ARHGAP17: variants seen among roughly 807,000 people sequenced by gnomAD.
The protein encoded by ARHGAP17 is Rho GTPase activating protein 17.
Under a neutral mutation model 99.5 loss-of-function variants are expected in ARHGAP17, and 57 were observed. The observed-to-expected ratio is 0.57, with a 90% CI of 0.46 to 0.71. The LOEUF (loss-of-function observed/expected upper bound fraction) is 0.71. ARHGAP17 is among the 30% of genes least tolerant of loss of function. The probability of loss-of-function intolerance (pLI) is 0.00; values close to 1 mark genes in which losing one functional copy is unlikely to be tolerated. For synonymous variants in ARHGAP17, 417 were observed against 429.6 expected (o/e 0.97, Z 0.36); for missense variants, 1,000 against 1,122.4 (o/e 0.89, Z 1.56).
At chr16:24,924,400 A>T (rs1262634831) in intron 19 of ARHGAP17, among the ~76,000 whole-genome samples, 1 of 151,604 alleles carries the variant, frequency 6.6e-6, no homozygotes, top group Non-Finnish European at 1.5e-5. Flanking sequence ...AAAAGCAAAA[A>T]ATCAGACAAA....
chr16:24,995,110 T>C (rs2053156429), intron 1 of ARHGAP17, among the ~76,000 whole-genome samples: 1 of 152,152 alleles, frequency 6.6e-6, no homozygotes, highest in South Asian at 2.1e-4. Flanking sequence ...ACTCACTCAG[T>C]ATTACTAGAA....
intron 13 of ARHGAP17, 31 bp downstream of exon 13, chr16:24,949,373 T>C (rs1290599902): frequency 1.3e-6 from 2 of 1,580,110 alleles, no homozygotes; most frequent in Non-Finnish European, 1.7e-6. Context: ...TTATCTTCAC[T>C]CCAGAGTCAT....
At chr16:24,952,452 T>G (rs2051672647) in intron 11 of ARHGAP17, 82 bp from the exon 12 acceptor site, 1 of 1,086,014 alleles carries the variant, frequency 9.2e-7, no homozygotes, top group South Asian at 1.4e-5. Context: ...CAAATTGAAA[T>G]GATCTCAATA....
intron 6 of ARHGAP17, among the ~76,000 whole-genome samples, chr16:24,965,676 C>A (rs1277007967): frequency 6.6e-6 from 1 of 152,198 alleles, no homozygotes; most frequent in Admixed American, 6.5e-5. Flanking sequence ...CAGAGTCTGA[C>A]ATGTTCAAGT....
At position 24,947,614 on chromosome 16, in the gene ARHGAP17, G is replaced by A; in HGVS notation, c.1128-19C>T. On this transcript the variant is annotated intron_variant, in intron 13 of 19. Coordinates refer to ENST00000289968, the MANE Select transcript of ARHGAP17 (RefSeq NM_001006634.3). ...CAAATATCTAGGGGTCAAAAGAGAA[G>A]GGGAGGGTTTCTCCTCTGAAATAGC... 1.3e-6 allele frequency: 2 copies of A among 1,592,270 alleles called. No individual in the cohort carries two copies. Among genetic ancestry groups the A allele is most frequent in the South Asian group, 1.1e-5 (1 of 90,786 alleles).
rs193280378 is a variant in ARHGAP17, at chr16:24,972,425, C to T, written c.199-1845G>A. 7.1e-4 allele frequency among the ~76,000 whole-genome samples: 108 copies of T among 152,236 alleles called. 1 individual carries two copies. In the East Asian group the frequency reaches 0.02, roughly 29 times the overall value. The stretch of plus-strand genomic sequence containing the variant: ...GTAGAGACAAGGTCTCACTATGTTG[C>T]CCAGGCTGGTCTCAAACTCCTAGTC... On this transcript the variant is annotated intron_variant, in intron 3 of 19. Transcript: ENST00000289968.
At chr16:24,973,257 A>G (rs550158187) in intron 3 of ARHGAP17, among the ~76,000 whole-genome samples, 1 of 152,354 alleles carries the variant, frequency 6.6e-6, no homozygotes, top group Non-Finnish European at 1.5e-5. Context: ...TGCCATGTCA[A>G]TGGTGGCTGG....
intron 12 of ARHGAP17, among the ~76,000 whole-genome samples, chr16:24,951,758 C>A (rs1040221405): frequency 1.3e-5 from 2 of 152,166 alleles, no homozygotes; most frequent in African/African-American, 4.8e-5. Context: ...ATACAACATA[C>A]AAAATATGTG....
Position 24,931,049 on chromosome 16 carries a change from T to C in ARHGAP17, c.2250A>G (p.Pro750=). ...ALPSEHGLEQ[P]SHTPPQTPTP... ...TTGGAGTCTGGGGAGGGGTGTGAGA[T>C]GGCTGCTCAAGTCCATGCTCACTGG... The change falls in exon 19 of 20, where the codon CCA becomes CCG. Residue 750 remains proline, a synonymous_variant. Transcript: ENST00000289968. 5 of 1,607,106 alleles carry C rather than the reference T, an allele frequency of 3.1e-6. No individual in the cohort carries two copies. The highest frequency in any genetic ancestry group is 4.2e-6 in the Non-Finnish European group (5 of 1,176,552).
chr16:24,954,848 G>A, intron 9 of ARHGAP17, 118 bp from the exon 10 acceptor site: 8 of 1,379,118 alleles, frequency 5.8e-6, no homozygotes, highest in Non-Finnish European at 8.0e-6. Flanking sequence ...CTGTGCAAGA[G>A]GGGATACATC....
Position 25,015,359 on chromosome 16 carries a change from G to T in ARHGAP17, c.-98C>A, listed in dbSNP as rs1306004824. 1 of 1,131,272 alleles carries T rather than the reference G, an allele frequency of 8.8e-7. No homozygotes were observed. Among genetic ancestry groups the T allele is most frequent in the Non-Finnish European group, 1.1e-6 (1 of 901,084 alleles). The allele number at this position is 1,131,272 out of a possible 1,614,324, so 70.1% of individuals were successfully genotyped here. On this transcript the variant is annotated 5_prime_UTR_variant, in exon 1 of 20. Transcript: ENST00000289968. ...CGCTTCCCGGCCCAAACGGCGGCGC[G>T]GCGGTGGCTCCCCGGGCCGGCGGCC...
intron 3 of ARHGAP17, 70 bp from the exon 4 acceptor site, chr16:24,970,650 C>T (rs1407645349): frequency 7.7e-6 from 11 of 1,422,084 alleles, no homozygotes; most frequent in Non-Finnish European, 1.1e-5. Flanking sequence ...TTTTTCAGAT[C>T]ATCATTCATT....
At chr16:24,934,950 G>A (rs1181696047) in intron 18 of ARHGAP17, among the ~76,000 whole-genome samples, 1 of 152,216 alleles carries the variant, frequency 6.6e-6, no homozygotes, top group Non-Finnish European at 1.5e-5. Flanking sequence ...AGAGAACCCA[G>A]GGTGAGAAGT....
chr16:24,968,795 A>T, intron 4 of ARHGAP17, 23 bp from the exon 5 acceptor site: 1 of 1,609,806 alleles, frequency 6.2e-7, no homozygotes, highest in Non-Finnish European at 8.5e-7. Context: ...GACCCCCAAC[A>T]ACGAGCACGT....
intron 1 of ARHGAP17, among the ~76,000 whole-genome samples, chr16:24,982,206 C>T (rs1301079562): frequency 6.6e-6 from 1 of 151,902 alleles, no homozygotes; most frequent in African/African-American, 2.4e-5. Context: ...AAGTTCAAGA[C>T]CAGCCTGGTC....
chr16:24,962,040 C>T (rs2052026233), intron 7 of ARHGAP17, among the ~76,000 whole-genome samples: 1 of 150,412 alleles, frequency 6.6e-6, no homozygotes, highest in South Asian at 2.1e-4. Context: ...AAGGGCCTCC[C>T]ATTTATGACA....
At chr16:24,992,353 TG>T (rs1046157372) in intron 1 of ARHGAP17, among the ~76,000 whole-genome samples, 1 of 152,170 alleles carries the variant, frequency 6.6e-6, no homozygotes, top group African/African-American at 2.4e-5. Flanking sequence ...TTCTTTTTTT[TG>T]GAGACAGAGT....
intron 1 of ARHGAP17, among the ~76,000 whole-genome samples, chr16:25,010,281 T>G (rs546953369): frequency 2.0e-5 from 3 of 152,168 alleles, no homozygotes; most frequent in Admixed American, 2.0e-4. Context: ...ACCATGTTGC[T>G]CAGGCTGGTC....
intron 14 of ARHGAP17, 140 bp from the exon 15 acceptor site, chr16:24,944,002 G>GCCACCACACC: frequency 1.3e-6 from 1 of 776,688 alleles, no homozygotes; most frequent in Non-Finnish European, 2.1e-6. Flanking sequence ...GCCGGGTGTG[G>GCCACCACACC]TGGCTCACAC....
Sources: gnomAD v4.1 joint callset for allele counts (sites outside exome capture counted in the v4.1 genomes callset) on GRCh38, gnomAD v4.1.1 for gene constraint, MANE v1.5 for transcripts, NCBI Gene and HGNC (gene_info 2026-07-23, HGNC 2026-07-21) for gene names.